CUEDC2: variants seen among roughly 807,000 people sequenced by gnomAD.
The protein encoded by CUEDC2 is CUE domain-containing protein 2.
Under a neutral mutation model 36.0 loss-of-function variants are expected in CUEDC2, and 10 were observed. The ratio of observed to expected loss-of-function variants is 0.28; its 90% CI spans 0.17 to 0.47. The LOEUF is 0.47. CUEDC2 is among the 20% of genes least tolerant of loss of function. CUEDC2 has a pLI of 0.99. For synonymous variants in CUEDC2, 133 were observed against 141.8 expected, an observed-to-expected ratio of 0.94 and a Z score of 0.44; for missense variants, 269 against 368.1, an observed-to-expected ratio of 0.73 and a Z score of 2.20.
At position 102,424,938 on chromosome 10, in the gene CUEDC2, C is replaced by T; in HGVS notation, c.75-146G>A. 9.8e-7 allele frequency: 1 copy of T among 1,022,528 alleles called. No homozygotes were observed. 63.3% of individuals were successfully genotyped at this position (1,022,528 alleles called of 1,614,324 possible). A position where few individuals can be genotyped will look rare whatever the true frequency, so the allele number is the denominator to read the frequency against. On this transcript the variant is annotated intron_variant, in intron 2 of 8. Transcript: ENST00000369937. This position sits in a 1 kb window ranked among gnomAD's most constrained non-coding sequence, Gnocchi z 4.2. Reference sequence around the variant, plus strand: ...GGCCAGAGAGTATAACCCCCTCCCTCAGAGCTATGGTTTCCCATCTGCCCA... The same window carrying T: ...GGCCAGAGAGTATAACCCCCTCCCTTAGAGCTATGGTTTCCCATCTGCCCA...
Position 102,423,736 on chromosome 10 carries a change from G to A in CUEDC2, c.657-19C>T, listed in dbSNP as rs2061584113. 1 of 1,614,008 alleles carries A rather than the reference G, an allele frequency of 6.2e-7. No homozygotes were observed. Among genetic ancestry groups the A allele is most frequent in the African/African-American group, 1.3e-5 (1 of 74,918 alleles). ...CATGTACCTGTCAAAAACTGGCTGGGTGAAGCTCCTGTCACCCTGGGAAGA... is the reference window on the plus strand; with the variant it reads ...CATGTACCTGTCAAAAACTGGCTGGATGAAGCTCCTGTCACCCTGGGAAGA... On this transcript the variant is annotated intron_variant, in intron 7 of 8. Transcript: ENST00000369937. The surrounding 1 kb of genome is among the most constrained non-coding windows in gnomAD (Gnocchi z 5.6).
chr10:102,431,506 G>C (rs937018766), intron 1 of CUEDC2, among the ~76,000 whole-genome samples: 1 of 152,158 alleles, frequency 6.6e-6, no homozygotes, highest in Non-Finnish European at 1.5e-5. Flanking sequence ...ACTTGCCCAA[G>C]GTCACAAGGC....
intron 1 of CUEDC2, among the ~76,000 whole-genome samples, chr10:102,427,534 C>A (rs2061601692): frequency 1.3e-5 from 2 of 152,188 alleles, no homozygotes; most frequent in Non-Finnish European, 2.9e-5. Flanking sequence ...GTTCCTGCCA[C>A]AAATCTGGGA....
At chr10:102,429,954 A>G (rs2061610592) in intron 1 of CUEDC2, among the ~76,000 whole-genome samples, 1 of 149,912 alleles carries the variant, frequency 6.7e-6, no homozygotes, top group South Asian at 2.1e-4. Flanking sequence ...GCCTGCCACA[A>G]CGCCCAGCTA....
At chr10:102,431,561 C>G (rs2061616771) in intron 1 of CUEDC2, among the ~76,000 whole-genome samples, 1 of 152,190 alleles carries the variant, frequency 6.6e-6, no homozygotes, top group South Asian at 2.1e-4. Flanking sequence ...ATCCAGAACC[C>G]TCACTGTTAA....
At chr10:102,428,548 C>T (rs2061606017) in intron 1 of CUEDC2, among the ~76,000 whole-genome samples, 1 of 152,212 alleles carries the variant, frequency 6.6e-6, no homozygotes, top group Admixed American at 6.5e-5. Flanking sequence ...GCCTCCACCC[C>T]TTCACTTACT....
chr10:102,432,358 G>T (rs562706113), intron 1 of CUEDC2, among the ~76,000 whole-genome samples, 168 bp downstream of exon 1: 25 of 152,198 alleles, frequency 1.6e-4, no homozygotes, highest in Non-Finnish European at 2.9e-4. Context: ...GACGAGGCAG[G>T]CCTGAGCAAA....
chr10:102,424,892 G>T lies in CUEDC2; in HGVS notation c.75-100C>A, dbSNP rs1007018412. On this transcript the variant is annotated intron_variant, in intron 2 of 8. Transcript: ENST00000369937. This position sits in a 1 kb window ranked among gnomAD's most constrained non-coding sequence, Gnocchi z 4.2. ...CAGCCCTCAGCTTCATGGGGTCTATGAGCTAGACCTTTATCTTTAAGGCCA... is the reference window on the plus strand; with the variant it reads ...CAGCCCTCAGCTTCATGGGGTCTATTAGCTAGACCTTTATCTTTAAGGCCA... 21 of 1,284,150 alleles carry T rather than the reference G, an allele frequency of 1.6e-5. No homozygotes were observed. The highest frequency in any genetic ancestry group is 1.9e-4 in the Middle Eastern group (1 of 5,352). The allele number at this position is 1,284,150 out of a possible 1,614,324, so 79.5% of individuals were successfully genotyped here.
intron 1 of CUEDC2, among the ~76,000 whole-genome samples, chr10:102,431,939 G>A (rs1275141120): frequency 6.6e-6 from 1 of 152,110 alleles, no homozygotes; most frequent in Non-Finnish European, 1.5e-5. Flanking sequence ...GGGAGAGCAG[G>A]CCATGTGGGA....
Position 102,424,931 on chromosome 10 carries a change from C to A in CUEDC2, c.75-139G>T. On this transcript the variant is annotated intron_variant, in intron 2 of 8. Coordinates refer to ENST00000369937, the MANE Select transcript of CUEDC2 (RefSeq NM_024040.3). The surrounding 1 kb of genome is among the most constrained non-coding windows in gnomAD (Gnocchi z 4.2). ...TCTTTAAGGCCAGAGAGTATAACCC[C>A]CTCCCTCAGAGCTATGGTTTCCCAT... 9.7e-7 allele frequency: 1 copy of A among 1,033,368 alleles called. No individual in the cohort carries two copies. The highest frequency in any genetic ancestry group is 1.5e-5 in the South Asian group (1 of 65,218). The allele number at this position is 1,033,368 out of a possible 1,614,324, so 64.0% of individuals were successfully genotyped here.
chr10:102,424,681 C>T lies in CUEDC2; in HGVS notation c.186G>A (p.Glu62=), dbSNP rs1409227449. ...TGTGGGCGAAGCCAGGCACATAGGC[C>T]TCCATCATCTCAGTGAAAGCCTCCA... The part of the protein sequence containing the change: ...FDMEAFTEMM[E]AYVPGFAHIP... Residue 62 remains glutamate (E), a synonymous_variant, in exon 3 of 9, where the codon GAG becomes GAA. Coordinates refer to ENST00000369937, the MANE Select transcript of CUEDC2 (RefSeq NM_024040.3). This position sits in a 1 kb window ranked among gnomAD's most constrained non-coding sequence, Gnocchi z 4.2. The T allele has an allele frequency of 2.2e-5, 35 of 1,614,092 alleles. No individual in the cohort carries two copies. In the Admixed American group the frequency reaches 5.7e-4, roughly 26 times the overall value.
intron 1 of CUEDC2, among the ~76,000 whole-genome samples, chr10:102,426,046 A>AT (rs2061595242): frequency 6.6e-6 from 1 of 152,108 alleles, no homozygotes; most frequent in South Asian, 2.1e-4. Flanking sequence ...TTAACCCTAC[A>AT]TAGCACTTAC....
At chr10:102,427,766 T>C (rs906141159) in intron 1 of CUEDC2, among the ~76,000 whole-genome samples, 7 of 152,210 alleles carry the variant, frequency 4.6e-5, no homozygotes, top group African/African-American at 1.7e-4. Flanking sequence ...AATCACATCT[T>C]TTCCTGCTTA....
chr10:102,429,841 C>T (rs1165152158), intron 1 of CUEDC2, among the ~76,000 whole-genome samples: 8 of 143,244 alleles, frequency 5.6e-5, no homozygotes, highest in South Asian at 2.2e-4. Context: ...TTTTTTGAGA[C>T]GGAGTTTCGC....
At chr10:102,425,265 A>C (rs2061591932) in intron 1 of CUEDC2, 67 bp from the exon 2 acceptor site, 2 of 1,189,048 alleles carry the variant, frequency 1.7e-6, no homozygotes, top group Non-Finnish European at 2.5e-6. Flanking sequence ...GCCTGGGGGC[A>C]GTGGCTCCTC....
rs540278954 is a variant in CUEDC2 at position 102,423,296 on chromosome 10, G to C, written c.*130C>G. On this transcript the variant is annotated 3_prime_UTR_variant, in exon 9 of 9. Coordinates refer to ENST00000369937, the MANE Select transcript of CUEDC2 (RefSeq NM_024040.3). The surrounding 1 kb of genome is among the most constrained non-coding windows in gnomAD (Gnocchi z 5.6). ...GCCCATGGAGGCAGCTCCGAGAGTAGGTTAACACTATGGAGCAAAGGAGTA... is the reference window on the plus strand; with the variant it reads ...GCCCATGGAGGCAGCTCCGAGAGTACGTTAACACTATGGAGCAAAGGAGTA... The C allele has an allele frequency of 1.1e-4, 134 of 1,207,102 alleles. No individual in the cohort carries two copies. The highest frequency in any genetic ancestry group is 3.5e-4 in the East Asian group (15 of 42,852). 74.8% of individuals were successfully genotyped at this position (1,207,102 alleles called of 1,614,324 possible). A position where few individuals can be genotyped will look rare whatever the true frequency, so the allele number is the denominator to read the frequency against.
rs550520460 is a variant in CUEDC2, at chr10:102,432,282, C to A, written c.-11+244G>T. On this transcript the variant is annotated intron_variant, in intron 1 of 8. Transcript: ENST00000369937. The stretch of plus-strand genomic sequence containing the variant: ...GCTCCCTAAACCCGCTAGCGGGACA[C>A]CCGTAAGCGTCCAGAATAGTGGGCC... 1.1e-4 allele frequency among the ~76,000 whole-genome samples: 17 copies of A among 152,366 alleles called. 1 individual carries two copies. The South Asian group carries it at 2.9e-3, about 26-fold the overall frequency.
At chr10:102,426,603 G>A (rs1298779959) in intron 1 of CUEDC2, among the ~76,000 whole-genome samples, 1 of 151,786 alleles carries the variant, frequency 6.6e-6, no homozygotes, top group Non-Finnish European at 1.5e-5. Context: ...CCTGAGTCTG[G>A]CTTCTGCTCC....
chr10:102,423,350 C>T lies in CUEDC2; in HGVS notation c.*76G>A, dbSNP rs1427882259. On this transcript the variant is annotated 3_prime_UTR_variant, in exon 9 of 9. Transcript: ENST00000369937. This position sits in a 1 kb window ranked among gnomAD's most constrained non-coding sequence, Gnocchi z 5.6. ...AAGGGGGACAGGAGTTAGGGGGCCC[C>T]TGTGTAGGGGTATAGGGCTCCTGCA... 7 of 1,582,310 alleles carry T rather than the reference C, an allele frequency of 4.4e-6. No individual in the cohort carries two copies. The highest frequency in any genetic ancestry group is 6.1e-6 in the Non-Finnish European group (7 of 1,155,718).
Sources: gnomAD v4.1 joint callset for allele counts (sites outside exome capture counted in the v4.1 genomes callset) on GRCh38, gnomAD v4.1.1 for gene constraint, Gnocchi (gnomAD v3.1) non-coding constraint, MANE v1.5 for transcripts, NCBI Gene and HGNC (gene_info 2026-07-23, HGNC 2026-07-21) for gene names.